The following SPTBN1 variants were observed in gnomAD, a reference collection of about 807,000 sequenced individuals.
SPTBN1 encodes the protein spectrin beta, non-erythrocytic 1, also known as spectrin beta chain, non-erythrocytic 1.
SPTBN1 carries 32 observed loss-of-function variants against 266.4 expected under a neutral mutation model. The ratio of observed to expected loss-of-function variants is 0.12; its 90% CI spans 0.09 to 0.16. The LOEUF is 0.16. Among genes scored for constraint, SPTBN1 ranks in the 10% least tolerant of loss-of-function variants. SPTBN1 has a pLI of 1.00. For missense variants in SPTBN1, 2,296 were observed against 3,067.1 expected, an observed-to-expected ratio of 0.75 and a Z score of 5.94; for synonymous variants, 1,336 against 1,162.2, an observed-to-expected ratio of 1.15 and a Z score of -3.04.
intron 27 of SPTBN1, among the ~76,000 whole-genome samples, 159 bp downstream of exon 27, chr2:54,654,012 CCTCGTGCACTTGG>C (rs1330428858): frequency 2.0e-5 from 3 of 152,160 alleles, no homozygotes; most frequent in Admixed American, 6.5e-5. Flanking sequence ...CCACTGCTTG[CCTCGTGCACTTGG>C]CTCGTGCACA....
At chr2:54,525,314 G>A (rs747163194) in intron 1 of SPTBN1, among the ~76,000 whole-genome samples, 47 of 151,918 alleles carry the variant, frequency 3.1e-4, no homozygotes, top group Non-Finnish European at 4.9e-4. Flanking sequence ...GTATGATGTC[G>A]GCTCAACCAA....
intron 2 of SPTBN1, among the ~76,000 whole-genome samples, chr2:54,534,612 G>A (rs1463517908): frequency 6.6e-6 from 1 of 152,060 alleles, no homozygotes; most frequent in African/African-American, 2.4e-5. Flanking sequence ...ACTTTTTTAG[G>A]TGTAGTTTTC....
At chr2:54,590,213 C>T (rs186566128) in intron 2 of SPTBN1, among the ~76,000 whole-genome samples, 9 of 152,248 alleles carry the variant, frequency 5.9e-5, no homozygotes, top group Admixed American at 1.3e-4. Context: ...CATTTTTATC[C>T]GTATTTCAGA....
Position 54,558,102 on chromosome 2 carries a change from G to T in SPTBN1, c.148+31536G>T, listed in dbSNP as rs112160867. On this transcript the variant is annotated intron_variant, in intron 2 of 35. Transcript: ENST00000356805. The surrounding 1 kb of genome is among the most constrained non-coding windows in gnomAD (Gnocchi z 4.6). ...AATCGGAGACTTTTCCGTTACATGA[G>T]GCTCAACAAAAGATTGTAATTCCAG... The T allele has an allele frequency of 0.022, 21,814 of 985,390 alleles. 264 individuals are homozygous for T. Among genetic ancestry groups the T allele is most frequent in the Non-Finnish European group, 0.025 (20,333 of 829,914 alleles). 61.0% of individuals were successfully genotyped at this position (985,390 alleles called of 1,614,324 possible).
chr2:54,622,217 T>G, intron 8 of SPTBN1, 83 bp from the exon 9 acceptor site: 1 of 1,439,480 alleles, frequency 6.9e-7, no homozygotes, highest in Non-Finnish European at 9.5e-7. Flanking sequence ...TCGTTTTGTG[T>G]GCATGCACTC....
Position 54,649,513 on chromosome 2 carries a change from C to A in SPTBN1, c.5203-102C>A. The stretch of plus-strand genomic sequence containing the variant: ...CTGAAGTCATGAGTATTATTGGCTA[C>A]ATCTTGCTTAGAGGCAGTTTCTTTC... On this transcript the variant is annotated intron_variant, in intron 25 of 35. Coordinates refer to ENST00000356805, the MANE Select transcript of SPTBN1 (RefSeq NM_003128.3). This position sits in a 1 kb window ranked among gnomAD's most constrained non-coding sequence, Gnocchi z 6.7. 2 of 1,480,184 alleles carry A rather than the reference C, an allele frequency of 1.4e-6. No individual in the cohort carries two copies. 91.7% of individuals were successfully genotyped at this position (1,480,184 alleles called of 1,614,324 possible). A position where few individuals can be genotyped will look rare whatever the true frequency, so the allele number is the denominator to read the frequency against.
intron 2 of SPTBN1, among the ~76,000 whole-genome samples, chr2:54,577,923 T>C (rs912230349): frequency 1.5e-5 from 2 of 133,136 alleles, no homozygotes; most frequent in Non-Finnish European, 3.1e-5. Flanking sequence ...TCTTAAAGGA[T>C]TTGCTGAGAC....
rs77451441 is a variant in SPTBN1, at chr2:54,639,451, G to A, written c.3858+1648G>A. 2.5e-3 allele frequency among the ~76,000 whole-genome samples: 382 copies of A among 152,310 alleles called. 8 individuals are homozygous for A. The East Asian group carries it at 0.048, about 19-fold the overall frequency. On this transcript the variant is annotated intron_variant, in intron 18 of 35. Coordinates refer to ENST00000356805, the MANE Select transcript of SPTBN1 (RefSeq NM_003128.3). ...CTGCTTTTAAAGGGCAAGTTAGTAA[G>A]ATGAAATTCATTTACCTAACCATGG...
chr2:54,571,658 T>TGTGTACTGATACCTGATA (rs1485905928), intron 2 of SPTBN1, among the ~76,000 whole-genome samples: 2 of 150,934 alleles, frequency 1.3e-5, no homozygotes, highest in East Asian at 3.9e-4. Context: ...TACCTGATAC[T>TGTGTACTGATACCTGATA]CAGTGGGTAT....
chr2:54,608,879 A>G (rs1677031512), intron 3 of SPTBN1, among the ~76,000 whole-genome samples: 1 of 152,202 alleles, frequency 6.6e-6, no homozygotes, highest in African/African-American at 2.4e-5. Flanking sequence ...TGTTATGTGT[A>G]TTACATTACT....
intron 1 of SPTBN1, among the ~76,000 whole-genome samples, chr2:54,475,161 G>A (rs762168789): frequency 1.9e-4 from 29 of 152,132 alleles, no homozygotes; most frequent in Non-Finnish European, 2.9e-4. Flanking sequence ...AGCTGAGATC[G>A]CGCCACTGCA....
At chr2:54,612,559 C>T (rs1018787856) in intron 4 of SPTBN1, among the ~76,000 whole-genome samples, 2 of 152,180 alleles carry the variant, frequency 1.3e-5, no homozygotes, top group African/African-American at 4.8e-5. Context: ...GTAATCTTAG[C>T]TTTCCTGTCA....
intron 32 of SPTBN1, chr2:54,662,646 A>G (rs1468911171): frequency 6.6e-6 from 1 of 152,230 alleles, no homozygotes; most frequent in African/African-American, 2.4e-5. Flanking sequence ...CTTCCAGACC[A>G]AACTCATACT....
At chr2:54,487,717 G>A (rs548808127) in intron 1 of SPTBN1, among the ~76,000 whole-genome samples, 120 of 151,090 alleles carry the variant, frequency 7.9e-4, no homozygotes, top group African/African-American at 2.7e-3. Context: ...GTATCATTAG[G>A]ATGTCGCAGT....
At chr2:54,569,627 T>C (rs1054975115) in intron 2 of SPTBN1, among the ~76,000 whole-genome samples, 10 of 152,208 alleles carry the variant, frequency 6.6e-5, no homozygotes, top group Non-Finnish European at 1.3e-4. Context: ...TTACCAAATA[T>C]TGGCAATTCA....
intron 1 of SPTBN1, among the ~76,000 whole-genome samples, chr2:54,475,784 A>G (rs1173155511): frequency 6.6e-6 from 1 of 152,240 alleles, no homozygotes; most frequent in Non-Finnish European, 1.5e-5. Flanking sequence ...TATTAACAGT[A>G]TGAATTTAGA....
chr2:54,664,388 T>C lies in SPTBN1; in HGVS notation c.6421-65T>C. 1 of 1,501,728 alleles carries C rather than the reference T, an allele frequency of 6.7e-7. No homozygotes were observed. The highest frequency in any genetic ancestry group is 9.1e-7 in the Non-Finnish European group (1 of 1,094,490). The allele number at this position is 1,501,728 out of a possible 1,614,324, so 93.0% of individuals were successfully genotyped here. A position where few individuals can be genotyped will look rare whatever the true frequency, so the allele number is the denominator to read the frequency against. ...TACACAGCCACATGTGCGAGTCAGGTAGAGCGTATGTGGTCACCCCCATGG... is the reference window on the plus strand; with the variant it reads ...TACACAGCCACATGTGCGAGTCAGGCAGAGCGTATGTGGTCACCCCCATGG... On this transcript the variant is annotated intron_variant, in intron 32 of 35. Transcript: ENST00000356805. The surrounding 1 kb of genome is among the most constrained non-coding windows in gnomAD (Gnocchi z 5.6).
At position 54,647,268 on chromosome 2, in the gene SPTBN1, G is replaced by C. The variant is rs892564787; in HGVS notation, c.4997+7G>C. The C allele has an allele frequency of 6.2e-7, 1 of 1,613,320 alleles. No individual in the cohort carries two copies. The highest frequency in any genetic ancestry group is 8.5e-7 in the Non-Finnish European group (1 of 1,179,964). On this transcript the variant is annotated splice_region_variant and intron_variant, in intron 24 of 35. Coordinates refer to ENST00000356805, the MANE Select transcript of SPTBN1 (RefSeq NM_003128.3). ...CCGACAGCCATCCTGAAAGGTGAGC[G>C]CTGCTTCATGAGTGTGAGACCCGGC...
rs1005253053 is a variant in SPTBN1, at chr2:54,626,779, A to T, written c.1644+545A>T. 2.0e-5 allele frequency among the ~76,000 whole-genome samples: 3 copies of T among 152,176 alleles called. No individual in the cohort carries two copies. The highest frequency in any genetic ancestry group is 7.2e-5 in the African/African-American group (3 of 41,444). ...TCTACCTCATCCAATTATTGCAAGG[A>T]TGGAATGCGGTAGTATGTGCACAGA... On this transcript the variant is annotated intron_variant, in intron 12 of 35. Coordinates refer to ENST00000356805, the MANE Select transcript of SPTBN1 (RefSeq NM_003128.3). This position sits in a 1 kb window ranked among gnomAD's most constrained non-coding sequence, Gnocchi z 4.7.
Sources: gnomAD v4.1 joint callset for allele counts (sites outside exome capture counted in the v4.1 genomes callset) on GRCh38, gnomAD v4.1.1 for gene constraint, Gnocchi (gnomAD v3.1) non-coding constraint, MANE v1.5 for transcripts, NCBI Gene and HGNC (gene_info 2026-07-23, HGNC 2026-07-21) for gene names.